The following MACROD2 variants were observed in gnomAD, a reference collection of about 807,000 sequenced individuals.
MACROD2 encodes mono-ADP ribosylhydrolase 2.
Under a neutral mutation model 70.4 loss-of-function variants are expected in MACROD2, and 36 were observed. That is an observed-to-expected ratio of 0.51 (90% CI 0.39 to 0.68). MACROD2 has a LOEUF of 0.68. Ranked by LOEUF, MACROD2 falls within the 30% of genes least tolerant of loss-of-function variation. MACROD2 has a pLI of 0.00. For missense variants in MACROD2, 496 were observed against 538.4 expected, an observed-to-expected ratio of 0.92 and a Z score of 0.78; for synonymous variants, 172 against 178.8, an observed-to-expected ratio of 0.96 and a Z score of 0.30.
chr20:14,033,646 A>G lies in MACROD2; in HGVS notation c.163+31242A>G, dbSNP rs548809145. Among the ~76,000 whole-genome samples, 4 of 152,350 alleles carry G rather than the reference A, an allele frequency of 2.6e-5. No homozygotes were observed. The South Asian group carries it at 8.3e-4, about 32-fold the overall frequency. Reference sequence around the variant, plus strand: ...TGGAGAAAGAATCAAACAGTACAGAAGAGCATAAAATGAAATACAAGTCTT... The same window carrying G: ...TGGAGAAAGAATCAAACAGTACAGAGGAGCATAAAATGAAATACAAGTCTT... On this transcript the variant is annotated intron_variant, in intron 2 of 17. Transcript: ENST00000684519.
At chr20:15,804,648 C>G (rs1210836608) in intron 8 of MACROD2, among the ~76,000 whole-genome samples, 1 of 152,148 alleles carries the variant, frequency 6.6e-6, no homozygotes, top group Non-Finnish European at 1.5e-5. Flanking sequence ...GGACTCTGCC[C>G]TATCCCACCC....
chr20:15,738,823 T>A (rs2051063120), intron 8 of MACROD2, among the ~76,000 whole-genome samples: 1 of 152,024 alleles, frequency 6.6e-6, no homozygotes, highest in Admixed American at 6.6e-5. Flanking sequence ...AGTACTGAAG[T>A]TTGAAACAGA....
chr20:15,321,500 A>G (rs1205509199), intron 6 of MACROD2, among the ~76,000 whole-genome samples: 1 of 144,114 alleles, frequency 6.9e-6, no homozygotes, highest in Non-Finnish European at 1.6e-5. Context: ...AAATTTCTCT[A>G]TTCCTACATC....
At chr20:15,736,519 T>C (rs1005177533) in intron 8 of MACROD2, among the ~76,000 whole-genome samples, 1 of 151,146 alleles carries the variant, frequency 6.6e-6, no homozygotes, top group Admixed American at 6.6e-5. Flanking sequence ...GGACTACACA[T>C]GTCACTTTAC....
intron 6 of MACROD2, among the ~76,000 whole-genome samples, chr20:15,340,419 G>A (rs6074878): frequency 0.62 from 93,345 of 151,570 alleles, 28,824 homozygotes; most frequent in East Asian, 0.75. Flanking sequence ...TACAGGCGTG[G>A]ACCACTGCGC....
chr20:14,604,437 G>A (rs1982676774), intron 4 of MACROD2, among the ~76,000 whole-genome samples: 1 of 152,186 alleles, frequency 6.6e-6, no homozygotes, highest in African/African-American at 2.4e-5. Context: ...TCCACATTGA[G>A]TGCCATGATT....
At chr20:15,698,774 T>C (rs1244434222) in intron 8 of MACROD2, among the ~76,000 whole-genome samples, 2 of 152,156 alleles carry the variant, frequency 1.3e-5, no homozygotes, top group South Asian at 4.1e-4. Flanking sequence ...TATATTTTCT[T>C]ACTCCTTTTA....
intron 6 of MACROD2, among the ~76,000 whole-genome samples, chr20:15,378,044 G>T (rs1294101183): frequency 6.6e-5 from 10 of 152,146 alleles, no homozygotes; most frequent in African/African-American, 2.4e-4. Context: ...CTAATTAGAT[G>T]ATGGGTTAAT....
intron 5 of MACROD2, among the ~76,000 whole-genome samples, chr20:14,772,788 T>C (rs1189807486): frequency 4.6e-5 from 7 of 152,082 alleles, no homozygotes; most frequent in African/African-American, 1.7e-4. Flanking sequence ...CAATGCCAGA[T>C]TTCCCCCAGT....
chr20:14,597,846 C>T (rs1362741559), intron 4 of MACROD2, among the ~76,000 whole-genome samples: 2 of 152,012 alleles, frequency 1.3e-5, no homozygotes, highest in Non-Finnish European at 2.9e-5. Flanking sequence ...TATATATTGA[C>T]ATGAACATAG....
At chr20:15,526,884 G>A (rs762996533) in intron 8 of MACROD2, among the ~76,000 whole-genome samples, 16 of 152,138 alleles carry the variant, frequency 1.1e-4, no homozygotes, top group Non-Finnish European at 1.9e-4. Flanking sequence ...AAGATGTGCA[G>A]TCCCCAAATA....
At chr20:15,912,837 A>T (rs924475818) in intron 10 of MACROD2, among the ~76,000 whole-genome samples, 2 of 152,222 alleles carry the variant, frequency 1.3e-5, no homozygotes, top group Non-Finnish European at 2.9e-5. Context: ...TTAAAATGTA[A>T]TTCTGCATAA....
At chr20:15,860,433 A>G (rs748418622) in intron 8 of MACROD2, among the ~76,000 whole-genome samples, 5 of 152,142 alleles carry the variant, frequency 3.3e-5, no homozygotes, top group Middle Eastern at 3.4e-3. Flanking sequence ...AGCCTGGGGG[A>G]AAAAAGTCAA....
intron 3 of MACROD2, among the ~76,000 whole-genome samples, chr20:14,416,813 G>C (rs1012861408): frequency 6.6e-6 from 1 of 152,172 alleles, no homozygotes; most frequent in East Asian, 1.9e-4. Flanking sequence ...CAGTTGGAGT[G>C]AGCTTGCATT....
At chr20:14,080,194 A>G (rs993332227) in intron 2 of MACROD2, among the ~76,000 whole-genome samples, 2 of 152,140 alleles carry the variant, frequency 1.3e-5, no homozygotes, top group Admixed American at 6.5e-5. Flanking sequence ...CTGTAATCCC[A>G]GCACTTTGGG....
At chr20:14,416,182 C>A (rs1035695231) in intron 3 of MACROD2, among the ~76,000 whole-genome samples, 1 of 152,158 alleles carries the variant, frequency 6.6e-6, no homozygotes, top group Non-Finnish European at 1.5e-5. Context: ...TGGTCTCAAT[C>A]TCCTGACCTT....
chr20:15,044,997 C>G (rs1265265269), intron 5 of MACROD2, among the ~76,000 whole-genome samples: 2 of 152,094 alleles, frequency 1.3e-5, no homozygotes, highest in Non-Finnish European at 2.9e-5. Flanking sequence ...TTCTACAAAA[C>G]AGTCATATGT....
chr20:14,718,850 T>G (rs2071428826), intron 5 of MACROD2, among the ~76,000 whole-genome samples: 1 of 152,190 alleles, frequency 6.6e-6, no homozygotes, highest in Non-Finnish European at 1.5e-5. Flanking sequence ...ATTTATTCAT[T>G]GTTCCTGTGT....
At chr20:14,831,404 C>A (rs2122236119) in intron 5 of MACROD2, among the ~76,000 whole-genome samples, 1 of 152,012 alleles carries the variant, frequency 6.6e-6, no homozygotes, top group East Asian at 1.9e-4. Context: ...TGCAGATATC[C>A]TTTTGGAATA....
Sources: gnomAD v4.1 joint callset for allele counts (sites outside exome capture counted in the v4.1 genomes callset) on GRCh38, gnomAD v4.1.1 for gene constraint, MANE v1.5 for transcripts, NCBI Gene and HGNC (gene_info 2026-07-23, HGNC 2026-07-21) for gene names.